The following ATP10B variants were observed in gnomAD, a reference collection of about 807,000 sequenced individuals.
The protein encoded by ATP10B is ATPase phospholipid transporting 10B (putative).
In ATP10B, 122 loss-of-function variants were observed where a neutral mutation model predicts 141.2. The observed-to-expected ratio is 0.86, with a 90% CI of 0.75 to 1.00. ATP10B has a LOEUF of 1.00. ATP10B is among the 50% of genes least tolerant of loss of function. The pLI, the probability that ATP10B is intolerant of heterozygous loss-of-function variation, is 0.00. For synonymous variants in ATP10B, 685 were observed against 692.0 expected (o/e 0.99, Z 0.16); for missense variants, 1,876 against 1,825.3 (o/e 1.03, Z -0.51).
At position 160,775,945 on chromosome 5, in the gene ATP10B, A is replaced by G. The variant is rs1770277035; in HGVS notation, c.-331+9614T>C. 2.0e-5 allele frequency among the ~76,000 whole-genome samples: 3 copies of G among 152,128 alleles called. No individual in the cohort carries two copies. In the South Asian group the frequency reaches 6.2e-4, roughly 31 times the overall value. The stretch of plus-strand genomic sequence containing the variant: ...ATACACCTGCCTCTGCCTAAGCTTC[A>G]GATTTTTAACCAGTAAAAAGGAGAT... On this transcript the variant is annotated intron_variant, in intron 2 of 25. Coordinates refer to ENST00000327245, the MANE Select transcript of ATP10B (RefSeq NM_025153.3).
intron 24 of ATP10B, among the ~76,000 whole-genome samples, chr5:160,579,595 C>T (rs1156965645): frequency 1.3e-5 from 2 of 151,984 alleles, no homozygotes; most frequent in Non-Finnish European, 2.9e-5. Context: ...TGAAGTCAAG[C>T]AGCATGAGGC....
Position 160,620,937 on chromosome 5 carries a change from G to T in ATP10B, c.1826C>A (p.Pro609His). 6.2e-7 allele frequency: 1 copy of T among 1,611,756 alleles called. No individual in the cohort carries two copies. The highest frequency in any genetic ancestry group is 8.5e-7 in the Non-Finnish European group (1 of 1,178,706). Residue 609 changes from proline to histidine, a missense_variant, in exon 15 of 26, where the codon CCC becomes CAC. Transcript: ENST00000327245. ...TEPRQRVTIK[P>H]SSKALGTSLE... Reference sequence around the variant, plus strand: ...GGACGTCCCCAGAGCCTTGCTTGAGGGTTTGATGGTGACCTTGTGGCCAAA... The same window carrying T: ...GGACGTCCCCAGAGCCTTGCTTGAGTGTTTGATGGTGACCTTGTGGCCAAA...
chr5:160,928,355 T>A, the ATP10B span, among the ~76,000 whole-genome samples: 1 of 152,168 alleles, frequency 6.6e-6, no homozygotes, highest in Non-Finnish European at 1.5e-5. Context: ...AGCTTTGAAT[T>A]AGTTATTGAG....
chr5:160,746,955 GC>G (rs1658608116), intron 2 of ATP10B, among the ~76,000 whole-genome samples: 2 of 152,308 alleles, frequency 1.3e-5, no homozygotes, highest in South Asian at 4.1e-4. Flanking sequence ...CCATGGCTCT[GC>G]CTTATTTGCA....
intron 2 of ATP10B, among the ~76,000 whole-genome samples, chr5:160,729,427 C>T (rs1766588314): frequency 6.6e-6 from 1 of 152,086 alleles, no homozygotes; most frequent in Non-Finnish European, 1.5e-5. Context: ...CGCTAGCTAA[C>T]AAGGATTACA....
the ATP10B span, among the ~76,000 whole-genome samples, chr5:160,915,569 TG>T: frequency 4.6e-5 from 7 of 152,222 alleles, no homozygotes; most frequent in African/African-American, 1.7e-4. Context: ...TGACCTCAGG[TG>T]ATCCACCTGC....
intron 1 of ATP10B, among the ~76,000 whole-genome samples, chr5:160,808,104 G>C (rs1179661925): frequency 6.6e-6 from 1 of 152,160 alleles, no homozygotes; most frequent in Non-Finnish European, 1.5e-5. Context: ...ACCTTGACTG[G>C]ATCTTTATTC....
the ATP10B span, among the ~76,000 whole-genome samples, chr5:160,920,210 G>C: frequency 9.9e-5 from 15 of 152,114 alleles, no homozygotes; most frequent in Non-Finnish European, 2.9e-5. Context: ...AGCCCTACGG[G>C]GTATGTAGAA....
chr5:160,926,361 C>T, the ATP10B span, among the ~76,000 whole-genome samples: 3 of 152,066 alleles, frequency 2.0e-5, no homozygotes, highest in African/African-American at 4.8e-5. Flanking sequence ...GCTTATGGGC[C>T]CCTAGCTTCC....
the ATP10B span, among the ~76,000 whole-genome samples, chr5:160,876,566 A>G: frequency 6.7e-6 from 1 of 149,702 alleles, no homozygotes; most frequent in South Asian, 2.1e-4. Flanking sequence ...AGAGACACAC[A>G]AAACCCTTCA....
intron 18 of ATP10B, among the ~76,000 whole-genome samples, chr5:160,609,215 C>T (rs899082549): frequency 1.5e-4 from 23 of 151,910 alleles, no homozygotes; most frequent in Non-Finnish European, 3.1e-4. Flanking sequence ...AAAGTTTCTT[C>T]TAAAAATAAT....
At chr5:160,889,438 C>T in the ATP10B span, among the ~76,000 whole-genome samples, 1 of 152,158 alleles carries the variant, frequency 6.6e-6, no homozygotes, top group Admixed American at 6.5e-5. Context: ...TAATTCTTCC[C>T]CTCCCACTCC....
intron 3 of ATP10B, among the ~76,000 whole-genome samples, chr5:160,689,568 C>T (rs1016032431): frequency 6.6e-6 from 1 of 151,964 alleles, no homozygotes; most frequent in Non-Finnish European, 1.5e-5. Flanking sequence ...CACAAGCATT[C>T]CTACATAGCA....
In ATP10B at chr5:160,688,036, C is replaced by A. The variant is rs375180081; in HGVS notation, c.39G>T (p.Gln13His). Residue 13 changes from glutamine to histidine, a missense_variant, in exon 5 of 26, where the codon CAG becomes CAT. Coordinates refer to ENST00000327245, the MANE Select transcript of ATP10B (RefSeq NM_025153.3). ...GGGGGAAGCCATCTCTGACTCTCCA[C>A]TGCCACCGATGCCACGATGAGTCCA... is the stretch of plus-strand genomic sequence containing the variant. ...LSVDSSWHRW[Q>H]WRVRDGFPHC... The A allele has an allele frequency of 6.2e-7, 1 of 1,613,776 alleles. No individual in the cohort carries two copies. The highest frequency in any genetic ancestry group is 2.2e-5 in the East Asian group (1 of 44,882).
the ATP10B span, among the ~76,000 whole-genome samples, chr5:160,900,326 T>TG: frequency 7.2e-5 from 11 of 152,200 alleles, no homozygotes; most frequent in African/African-American, 2.7e-4. Flanking sequence ...TTAAACACTG[T>TG]GGGGCCAAGC....
intron 1 of ATP10B, among the ~76,000 whole-genome samples, chr5:160,818,930 A>G (rs1324622259): frequency 6.6e-6 from 1 of 152,164 alleles, no homozygotes. Context: ...GTTCTCACTC[A>G]TAGGTGGGAA....
intron 2 of ATP10B, among the ~76,000 whole-genome samples, chr5:160,726,911 C>G (rs1766406844): frequency 6.6e-6 from 1 of 151,850 alleles, no homozygotes; most frequent in Non-Finnish European, 1.5e-5. Context: ...CCATTTGTCT[C>G]TCACCTACCT....
intron 1 of ATP10B, among the ~76,000 whole-genome samples, chr5:160,796,836 G>A (rs560315946): frequency 3.3e-5 from 5 of 152,278 alleles, no homozygotes; most frequent in East Asian, 1.9e-4. Flanking sequence ...AGGAGGGGGA[G>A]GAAAGGGAGA....
At chr5:160,873,542 GA>G in the ATP10B span, among the ~76,000 whole-genome samples, 1 of 152,214 alleles carries the variant, frequency 6.6e-6, no homozygotes, top group African/African-American at 2.4e-5. Flanking sequence ...CAAGTTGGCC[GA>G]ATAGGAACAG....
Sources: gnomAD v4.1 joint callset for allele counts (sites outside exome capture counted in the v4.1 genomes callset) on GRCh38, gnomAD v4.1.1 for gene constraint, MANE v1.5 for transcripts, NCBI Gene and HGNC (gene_info 2026-07-23, HGNC 2026-07-21) for gene names.